The following CARMIL1 variants were observed in gnomAD, a reference collection of about 807,000 sequenced individuals.
The protein encoded by CARMIL1 is F-actin-uncapping protein LRRC16A.
CARMIL1 carries 90 observed loss-of-function variants against 177.1 expected under a neutral mutation model. The ratio of observed to expected loss-of-function variants is 0.51; its 90% confidence interval spans 0.43 to 0.61. CARMIL1 has a LOEUF of 0.61. CARMIL1 is among the 20% of genes least tolerant of loss of function. The pLI, the probability that CARMIL1 is intolerant of heterozygous loss-of-function variation, is 0.00. For synonymous variants in CARMIL1, 577 were observed against 606.2 expected, an observed-to-expected ratio of 0.95 and a Z score of 0.71; for missense variants, 1,380 against 1,667.0, an observed-to-expected ratio of 0.83 and a Z score of 3.00.
At chr6:25,452,398 C>T in intron 8 of CARMIL1, 1 of 596,382 alleles carries the variant, frequency 1.7e-6, no homozygotes, top group Non-Finnish European at 3.0e-6. Context: ...AAGAAAATTG[C>T]ACGTGGAATA....
intron 20 of CARMIL1, among the ~76,000 whole-genome samples, chr6:25,512,398 T>C (rs1257008228): frequency 6.6e-6 from 1 of 152,210 alleles, no homozygotes; most frequent in African/African-American, 2.4e-5. Context: ...GCTTTTTATG[T>C]TCCTGCCATT....
intron 2 of CARMIL1, among the ~76,000 whole-genome samples, chr6:25,395,990 C>T (rs1365357026): frequency 3.3e-5 from 5 of 152,172 alleles, no homozygotes; most frequent in Admixed American, 6.5e-5. Context: ...CCAGTCTTTT[C>T]TGCCCTGTGG....
At chr6:25,552,156 A>G (rs568491937) in intron 27 of CARMIL1, among the ~76,000 whole-genome samples, 2 of 152,248 alleles carry the variant, frequency 1.3e-5, no homozygotes, top group South Asian at 4.1e-4. Flanking sequence ...TAGAGGGTTT[A>G]TAGGACCCCA....
intron 12 of CARMIL1, among the ~76,000 whole-genome samples, chr6:25,485,234 G>C (rs1802513603): frequency 6.6e-6 from 1 of 152,070 alleles, no homozygotes; most frequent in Admixed American, 6.5e-5. Context: ...TAACAGTGGG[G>C]AGGTCCTACG....
chr6:25,577,207 C>T lies in CARMIL1; in HGVS notation c.2743-3717C>T. The stretch of plus-strand genomic sequence containing the variant: ...AACAGGCGATGAATTTAAAATATCT[C>T]CAGCCATGTGCCTGAAAGCAAGCAG... On this transcript the variant is annotated intron_variant, in intron 29 of 36. Transcript: ENST00000329474. This position sits in a 1 kb window ranked among gnomAD's most constrained non-coding sequence, Gnocchi z 4.5. 5.1e-6 allele frequency: 4 copies of T among 788,312 alleles called. No homozygotes were observed. The highest frequency in any genetic ancestry group is 6.2e-6 in the Non-Finnish European group (4 of 650,024). The allele number at this position is 788,312 out of a possible 1,614,324, so 48.8% of individuals were successfully genotyped here.
At chr6:25,529,660 A>ACAGGAG (rs1480978183) in intron 24 of CARMIL1, among the ~76,000 whole-genome samples, 1 of 92,968 alleles carries the variant, frequency 1.1e-5, no homozygotes, top group Non-Finnish European at 2.3e-5. Context: ...GGCTGCTAGA[A>ACAGGAG]TGGCGTGAAC....
intron 2 of CARMIL1, among the ~76,000 whole-genome samples, chr6:25,382,044 C>T (rs934502281): frequency 2.0e-5 from 3 of 151,990 alleles, no homozygotes; most frequent in South Asian, 2.1e-4. Flanking sequence ...ATTCCTATTG[C>T]CCAGGAGATT....
chr6:25,546,669 C>CAAAAAAA (rs58285338), intron 26 of CARMIL1, among the ~76,000 whole-genome samples: 197 of 115,098 alleles, frequency 1.7e-3, no homozygotes, highest in Non-Finnish European at 2.3e-3. Flanking sequence ...ACAACAACAA[C>CAAAAAAA]AAAAAAAAAA....
intron 29 of CARMIL1, among the ~76,000 whole-genome samples, chr6:25,573,820 T>C (rs1812334870): frequency 6.6e-6 from 1 of 152,082 alleles, no homozygotes; most frequent in Admixed American, 6.5e-5. Flanking sequence ...TTAATATTAA[T>C]TTTTTTAAAA....
intron 16 of CARMIL1, among the ~76,000 whole-genome samples, chr6:25,499,682 T>C (rs184629596): frequency 1.8e-4 from 27 of 152,206 alleles, no homozygotes; most frequent in Non-Finnish European, 4.0e-4. Context: ...AATAAACTCA[T>C]CTAGATATAA....
chr6:25,321,665 T>C (rs989486278), intron 2 of CARMIL1, among the ~76,000 whole-genome samples: 11 of 140,232 alleles, frequency 7.8e-5, no homozygotes, highest in Non-Finnish European at 1.2e-4. Context: ...TAATTTAATT[T>C]AATTTTTTTT....
intron 12 of CARMIL1, among the ~76,000 whole-genome samples, chr6:25,486,189 G>GT (rs1412229859): frequency 8.5e-5 from 13 of 152,150 alleles, no homozygotes; most frequent in Non-Finnish European, 2.9e-5. Flanking sequence ...AGTTAGGGCT[G>GT]TAAGAGCCTT....
chr6:25,405,044 C>T (rs1794243932), intron 2 of CARMIL1, among the ~76,000 whole-genome samples: 1 of 44,536 alleles, frequency 2.2e-5, no homozygotes, highest in African/African-American at 7.6e-5. Flanking sequence ...TCACTTCCTC[C>T]TGTTGTGAAG....
chr6:25,325,596 C>A (rs1340259580), intron 2 of CARMIL1, among the ~76,000 whole-genome samples: 2 of 152,200 alleles, frequency 1.3e-5, no homozygotes, highest in Non-Finnish European at 2.9e-5. Context: ...AGCTAGAAAT[C>A]AGAAGTTTTT....
At chr6:25,354,511 T>C (rs959804492) in intron 2 of CARMIL1, among the ~76,000 whole-genome samples, 1 of 151,898 alleles carries the variant, frequency 6.6e-6, no homozygotes, top group East Asian at 1.9e-4. Flanking sequence ...TATGCTTCCA[T>C]GAGAGAGGAT....
At chr6:25,546,974 G>T (rs1165488909) in intron 26 of CARMIL1, among the ~76,000 whole-genome samples, 1 of 150,556 alleles carries the variant, frequency 6.6e-6, no homozygotes, top group Non-Finnish European at 1.5e-5. Flanking sequence ...AGAACAGCTT[G>T]AACCCGGGAG....
intron 2 of CARMIL1, among the ~76,000 whole-genome samples, chr6:25,405,195 A>G (rs1287497622): frequency 6.6e-6 from 1 of 152,196 alleles, no homozygotes; most frequent in Non-Finnish European, 1.5e-5. Flanking sequence ...AGCTGATCTC[A>G]TTTACCTGAG....
chr6:25,333,355 G>A (rs1785891576), intron 2 of CARMIL1, among the ~76,000 whole-genome samples: 1 of 152,026 alleles, frequency 6.6e-6, no homozygotes. Context: ...TTGACCCCAG[G>A]AGTTCGAGAC....
intron 12 of CARMIL1, 30 bp from the exon 13 acceptor site, chr6:25,488,452 A>G: frequency 6.4e-7 from 1 of 1,561,972 alleles, no homozygotes; most frequent in Non-Finnish European, 8.8e-7. Flanking sequence ...CTGGAGTGCA[A>G]ACTGAGCCTG....
Sources: allele counts gnomAD v4.1 joint callset (sites outside exome capture counted in the v4.1 genomes callset), GRCh38; gene constraint gnomAD v4.1.1; non-coding constraint Gnocchi (gnomAD v3.1); transcripts MANE v1.5; gene names NCBI Gene and HGNC (gene_info 2026-07-23, HGNC 2026-07-21).